The following KCNN2 variants were observed in gnomAD, a reference collection of about 807,000 sequenced individuals.
The protein encoded by KCNN2 is small conductance calcium-activated potassium channel protein 2.
Under a neutral mutation model 55.5 loss-of-function variants are expected in KCNN2, and 24 were observed. The ratio of observed to expected loss-of-function variants is 0.43; its 90% CI spans 0.31 to 0.61. KCNN2 has a LOEUF of 0.61. Ranked by LOEUF, KCNN2 falls within the 20% of genes least tolerant of loss-of-function variation. The pLI is 0.08. For missense variants in KCNN2, 754 were observed against 853.6 expected (o/e 0.88, Z 1.45); for synonymous variants, 431 against 336.1 (o/e 1.28, Z -3.09).
At position 114,272,414 on chromosome 5, in the gene KCNN2, TACACACATATGTAC is replaced by T. The variant is rs1755367594; in HGVS notation, c.-185+50850_-185+50863del. ...ACACACATATATGTATGTACATATC[TACACACATATGTAC>T]GTACATATCATATACACACATATGT... On this transcript the variant is annotated intron_variant, in intron 2 of 10. Transcript: ENST00000512097. Among the ~76,000 whole-genome samples, 2 of 13,874 alleles carry T rather than the reference TACACACATATGTAC, an allele frequency of 1.4e-4. 1 individual carries two copies. Among genetic ancestry groups the T allele is most frequent in the Non-Finnish European group, 4.9e-4 (2 of 4,122 alleles). The allele number at this position is 13,874 out of a possible 152,430, so 9.1% of individuals were successfully genotyped here. A position where few individuals can be genotyped will look rare whatever the true frequency, so the allele number is the denominator to read the frequency against.
intron 2 of KCNN2, among the ~76,000 whole-genome samples, chr5:114,342,686 G>C (rs1477502954): frequency 6.6e-6 from 1 of 152,168 alleles, no homozygotes; most frequent in African/African-American, 2.4e-5. Flanking sequence ...CTTCTTAAAT[G>C]TCATATTATA....
intron 1 of KCNN2, among the ~76,000 whole-genome samples, chr5:114,085,546 A>G (rs1580497861): frequency 6.6e-6 from 1 of 151,954 alleles, no homozygotes; most frequent in East Asian, 1.9e-4. Context: ...TATATCTACA[A>G]CCTTAGTATA....
intron 1 of KCNN2, among the ~76,000 whole-genome samples, chr5:114,200,516 T>A (rs541393533): frequency 1.6e-4 from 24 of 152,328 alleles, no homozygotes; most frequent in Middle Eastern, 6.8e-3. Flanking sequence ...TGGCATTTTG[T>A]GGAATACTTT....
At chr5:114,313,825 C>T (rs560463643) in intron 2 of KCNN2, among the ~76,000 whole-genome samples, 8 of 152,234 alleles carry the variant, frequency 5.3e-5, no homozygotes, top group African/African-American at 1.9e-4. Context: ...AAAGTTTACT[C>T]ATGGAAAAGG....
chr5:114,449,908 A>ACACACACACGCGCG (rs1309590184), intron 3 of KCNN2, among the ~76,000 whole-genome samples: 39 of 66,186 alleles, frequency 5.9e-4, no homozygotes, highest in South Asian at 1.3e-3. Flanking sequence ...ACACACACAC[A>ACACACACACGCGCG]CGCGCGCGCT....
intron 1 of KCNN2, among the ~76,000 whole-genome samples, chr5:114,075,603 C>T (rs76808944): frequency 6.6e-6 from 1 of 152,214 alleles, no homozygotes; most frequent in Non-Finnish European, 1.5e-5. Flanking sequence ...AAGTTGGCCA[C>T]AAATCCTTCC....
In KCNN2 at chr5:114,372,147, G is replaced by A. The variant is rs115886549; in HGVS notation, c.1218+8146G>A. On this transcript the variant is annotated intron_variant, in intron 2 of 7. Transcript: ENST00000673685. ...TCTATGGAATTGGCAAGACTCCAGCGTTTAAATTGGTGCTAGATTCTGTTC... is the reference window on the plus strand; with the variant it reads ...TCTATGGAATTGGCAAGACTCCAGCATTTAAATTGGTGCTAGATTCTGTTC... 1.3e-3 allele frequency among the ~76,000 whole-genome samples: 203 copies of A among 152,274 alleles called. 1 individual carries two copies. The highest frequency in any genetic ancestry group is 9.8e-3 in the East Asian group (51 of 5,180).
At chr5:114,069,919 T>C (rs1388677775) in intron 1 of KCNN2, among the ~76,000 whole-genome samples, 2 of 152,334 alleles carry the variant, frequency 1.3e-5, no homozygotes, top group African/African-American at 2.4e-5. Context: ...GAGGACATTT[T>C]ATTACAACTG....
intron 2 of KCNN2, among the ~76,000 whole-genome samples, chr5:114,337,544 T>G (rs1329369520): frequency 6.6e-6 from 1 of 152,224 alleles, no homozygotes; most frequent in Non-Finnish European, 1.5e-5. Context: ...TTTCTCATCT[T>G]GCATTCTCTA....
intron 2 of KCNN2, among the ~76,000 whole-genome samples, chr5:114,239,245 C>T (rs1291479895): frequency 1.3e-5 from 2 of 152,084 alleles, no homozygotes; most frequent in East Asian, 3.9e-4. Context: ...ATTATAAACC[C>T]AGTGATGTGG....
intron 1 of KCNN2, among the ~76,000 whole-genome samples, chr5:114,083,178 T>G (rs138755769): frequency 3.1e-4 from 47 of 152,218 alleles, no homozygotes; most frequent in Admixed American, 2.4e-3. Context: ...ATCTTCCTTT[T>G]TGTTCTTAGT....
intron 2 of KCNN2, among the ~76,000 whole-genome samples, chr5:114,364,569 T>A (rs1373588186): frequency 6.6e-6 from 1 of 152,102 alleles, no homozygotes; most frequent in East Asian, 1.9e-4. Context: ...TCATGAAGTA[T>A]TTTTTAAAAT....
chr5:114,361,147 AAATGT>A (rs1350957713), upstream of KCNN2: 1 of 152,202 alleles, frequency 6.6e-6, no homozygotes, highest in East Asian at 1.9e-4. Flanking sequence ...GAGAAGGCGC[AAATGT>A]GAGCTGGCGG....
At chr5:114,199,466 G>GT in intron 1 of KCNN2, among the ~76,000 whole-genome samples, 1 of 152,066 alleles carries the variant, frequency 6.6e-6, no homozygotes, top group African/African-American at 2.4e-5. Flanking sequence ...ATTATTGATT[G>GT]TTTTCAAGTT....
At chr5:114,458,257 T>C (rs575448722) in intron 3 of KCNN2, among the ~76,000 whole-genome samples, 138 of 152,340 alleles carry the variant, frequency 9.1e-4, no homozygotes, top group African/African-American at 3.2e-3. Context: ...AGATTTTTTT[T>C]CCATTTTTAG....
chr5:114,422,649 TAAAA>T (rs1284588157), intron 3 of KCNN2, among the ~76,000 whole-genome samples: 1 of 151,764 alleles, frequency 6.6e-6, no homozygotes, highest in Non-Finnish European at 1.5e-5. Context: ...CAAAGCAAAA[TAAAA>T]AAAACGAGGA....
chr5:114,088,241 G>GATTCTT (rs1751058313), intron 1 of KCNN2, among the ~76,000 whole-genome samples: 3 of 152,052 alleles, frequency 2.0e-5, no homozygotes, highest in Non-Finnish European at 4.4e-5. Flanking sequence ...GTAGGGCTGT[G>GATTCTT]ATTCTTATCT....
intron 1 of KCNN2, among the ~76,000 whole-genome samples, chr5:114,072,176 C>T (rs2632143): frequency 0.13 from 19,976 of 151,960 alleles, 1,388 homozygotes; most frequent in Middle Eastern, 0.17. Context: ...CCTGTAGTCC[C>T]AGCTATTTGG....
At chr5:114,389,741 G>A (rs894488279) in intron 2 of KCNN2, among the ~76,000 whole-genome samples, 3 of 152,148 alleles carry the variant, frequency 2.0e-5, no homozygotes, top group Non-Finnish European at 4.4e-5. Flanking sequence ...TTACCATGGG[G>A]CATTGAATGT....
Sources: allele counts gnomAD v4.1 joint callset (sites outside exome capture counted in the v4.1 genomes callset), GRCh38; gene constraint gnomAD v4.1.1; transcripts MANE v1.5; gene names NCBI Gene and HGNC (gene_info 2026-07-23, HGNC 2026-07-21).